Variants in G6PD observed in about 807,000 individuals in gnomAD.
G6PD encodes the protein glucose-6-phosphate 1-dehydrogenase.
G6PD carries 2 observed loss-of-function variants against 38.2 expected under a neutral mutation model. The observed-to-expected ratio is 0.05, with a 90% CI of 0.02 to 0.16. The LOEUF (loss-of-function observed/expected upper bound fraction) is 0.16. Among genes scored for constraint, G6PD ranks in the 10% least tolerant of loss-of-function variants. G6PD has a pLI of 1.00. For missense variants in G6PD, 310 were observed against 471.6 expected, an observed-to-expected ratio of 0.66 and a Z score of 3.17; for synonymous variants, 188 against 196.0, an observed-to-expected ratio of 0.96 and a Z score of 0.34.
Position 154,546,076 on chromosome X carries a change from T to C in G6PD, c.80A>G (p.His27Arg), listed in dbSNP as rs1193184183. 2.5e-6 allele frequency: 3 copies of C among 1,209,936 alleles called. No individual in the cohort carries two copies. Among genetic ancestry groups the C allele is most frequent in the Non-Finnish European group, 3.4e-6 (3 of 895,141 alleles). ...GATGAATATGTGTGTATCCGACTGA[T>C]GGAAGGCATCGCCCTGGAAAAGCTC... ...REELFQGDAF[H>R]QSDTHIFIIM... Residue 27 changes from histidine (H) to arginine (R), a missense_variant, in exon 2 of 13, where the codon CAT (histidine) becomes CGT (arginine). Coordinates refer to ENST00000393562, the MANE Select transcript of G6PD (RefSeq NM_001360016.2).
At chrX:154,542,160 G>A in intron 2 of G6PD, 1 of 522,710 alleles carries the variant, frequency 1.9e-6, no homozygotes, top group South Asian at 3.0e-5. Context: ...GACCAATGGG[G>A]AAGTCAGCCC....
In G6PD at chrX:154,532,548, C is replaced by T. The variant is rs781980305; in HGVS notation, c.1287+19G>A. ...CCCAGGCCGCCCACCCTCCACACTG[C>T]TCCTTCTCTGTAGGGCACCTTGTAT... On this transcript the variant is annotated intron_variant, in intron 10 of 12. Transcript: ENST00000393562. 4.1e-6 allele frequency: 5 copies of T among 1,209,223 alleles called. No individual in the cohort carries two copies. The highest frequency in any genetic ancestry group is 1.7e-5 in the African/African-American group (1 of 57,507).
intron 8 of G6PD, 186 bp from the exon 9 acceptor site, chrX:154,533,314 G>T: frequency 1.9e-6 from 1 of 516,258 alleles, no homozygotes; most frequent in Non-Finnish European, 3.2e-6. Context: ...GGTCCATCTC[G>T]AGTCTATTCT....
chrX:154,532,923 C>G lies in G6PD; in HGVS notation c.1051+19G>C, dbSNP rs1557229820. 2.0e-5 allele frequency: 24 copies of G among 1,211,737 alleles called. No individual in the cohort carries two copies. Among genetic ancestry groups the G allele is most frequent in the Non-Finnish European group, 2.6e-5 (23 of 895,320 alleles). The stretch of plus-strand genomic sequence containing the variant: ...GCATGCCCAGTTCTGCCTTGCTGGG[C>G]CTCGAAGGCATCACCTACCATCCCA... On this transcript the variant is annotated intron_variant, in intron 9 of 12. Transcript: ENST00000393562.
At chrX:154,547,509 C>T, upstream of G6PD, 1 of 755,163 alleles carries the variant, frequency 1.3e-6, no homozygotes. Context: ...ACTCAGACTT[C>T]TCTCCGGAGC....
intron 4 of G6PD, 84 bp from the exon 5 acceptor site, chrX:154,535,469 AGGG>A: frequency 1.1e-6 from 1 of 914,695 alleles, no homozygotes; most frequent in Non-Finnish European, 1.6e-6. Flanking sequence ...AGGGGAGTGG[AGGG>A]TCTTCCCTGG....
chrX:154,546,768 G>A (rs1346811843), intron 1 of G6PD, 21 bp downstream of exon 1: 3 of 1,139,613 alleles, frequency 2.6e-6, no homozygotes, highest in Non-Finnish European at 3.5e-6. Flanking sequence ...CCGCCTGCGC[G>A]GCGCCCGCCC....
intron 2 of G6PD, among the ~76,000 whole-genome samples, chrX:154,537,459 T>C (rs1238937816): frequency 1.8e-5 from 2 of 109,800 alleles, no homozygotes; most frequent in African/African-American, 3.3e-5. Context: ...CTACTAAAAA[T>C]ACAAAATTGG....
intron 2 of G6PD, among the ~76,000 whole-genome samples, chrX:154,544,915 A>G (rs782578711): frequency 5.3e-5 from 6 of 112,662 alleles, no homozygotes; most frequent in Non-Finnish European, 1.1e-4. Flanking sequence ...ATGTGGAAGA[A>G]CTAACTAGTT....
intron 1 of G6PD, 47 bp downstream of exon 1, chrX:154,546,742 G>C (rs782318674): frequency 2.0e-6 from 2 of 1,020,208 alleles, no homozygotes; most frequent in East Asian, 3.4e-5. Flanking sequence ...GGCGCAGCGC[G>C]GGACAGTACG....
At chrX:154,539,673 G>A (rs782393865) in intron 2 of G6PD, among the ~76,000 whole-genome samples, 1 of 111,042 alleles carries the variant, frequency 9.0e-6, no homozygotes, top group Non-Finnish European at 1.9e-5. Flanking sequence ...CTGAGTTTGT[G>A]AAAAGTCATC....
At chrX:154,545,733 G>C (rs1172356687) in intron 2 of G6PD, 1 of 275,135 alleles carries the variant, frequency 3.6e-6, no homozygotes, top group African/African-American at 2.8e-5. Context: ...TACTTGGGGG[G>C]CTGAGGCAGG....
rs1193544436 is a variant in G6PD, at chrX:154,531,761, G to A, written c.*239C>T. ...TGTTGGGCTGGAGTGAGTGGAGGAG[G>A]TGACTCAGCTCCTGGGCTCAGGCAG... On this transcript the variant is annotated 3_prime_UTR_variant, in exon 13 of 13. Coordinates refer to ENST00000393562, the MANE Select transcript of G6PD (RefSeq NM_001360016.2). 1.7e-5 allele frequency: 8 copies of A among 458,361 alleles called. No individual in the cohort carries two copies. Among genetic ancestry groups the A allele is most frequent in the African/African-American group, 2.4e-5 (1 of 40,843 alleles). 37.8% of individuals were successfully genotyped at this position (458,361 alleles called of 1,213,427 possible).
chrX:154,542,317 G>A (rs369777148), intron 2 of G6PD: 4 of 1,183,974 alleles, frequency 3.4e-6, no homozygotes, highest in Non-Finnish European at 4.5e-6. Context: ...TGAGGACCCC[G>A]CAGACTATCA....
intron 2 of G6PD, among the ~76,000 whole-genome samples, chrX:154,539,854 C>G (rs2070459212): frequency 9.1e-6 from 1 of 110,038 alleles, no homozygotes; most frequent in African/African-American, 3.3e-5. Flanking sequence ...TCCTGAGTAG[C>G]TGGGACTCCA....
Position 154,535,995 on chromosome X carries a change from T to A in G6PD, c.209A>T (p.Tyr70Phe). 8.3e-7 allele frequency: 1 copy of A among 1,211,544 alleles called. No homozygotes were observed. Among genetic ancestry groups the A allele is most frequent in the Non-Finnish European group, 1.1e-6 (1 of 895,352 alleles). Residue 70 changes from tyrosine (Y) to phenylalanine (F), a missense_variant, in exon 4 of 13, where the codon TAT (tyrosine) becomes TTT (phenylalanine). Tyr to Phe is a conservative substitution (Grantham distance 22). Coordinates refer to ENST00000393562, the MANE Select transcript of G6PD (RefSeq NM_001360016.2). ...AGCCACTGTGAGGCGGGAACGGGCATAGCCCACGATGAAGGTGTTTTCGGG... is the reference window on the plus strand; with the variant it reads ...AGCCACTGTGAGGCGGGAACGGGCAAAGCCCACGATGAAGGTGTTTTCGGG... Reference protein sequence around the residue: ...LLPENTFIVGYARSRLTVADI... With the variant: ...LLPENTFIVGFARSRLTVADI...
intron 2 of G6PD, among the ~76,000 whole-genome samples, chrX:154,544,491 C>T (rs1557232716): frequency 3.6e-5 from 4 of 112,355 alleles, no homozygotes; most frequent in East Asian, 2.8e-4. Flanking sequence ...GACTGGGTTT[C>T]GCCATGTTGG....
At chrX:154,545,735 TGAGGCAGGA>T (rs1412272827) in intron 2 of G6PD, 2 of 271,878 alleles carry the variant, frequency 7.4e-6, no homozygotes, top group African/African-American at 5.9e-5. Flanking sequence ...CTTGGGGGGC[TGAGGCAGGA>T]GAATCGCTTG....
In G6PD at chrX:154,533,068, C is replaced by T; in HGVS notation, c.925G>A (p.Val309Met). The change falls in exon 9 of 13, where the codon GTG becomes ATG. Residue 309 changes from valine (V) to methionine (M), a missense_variant. Physicochemically the swap from Val to Met is conservative, Grantham distance 21. Around this residue, in one of 4 missense-constraint regions of G6PD, gnomAD observed 168 missense variants for 309.2 expected, o/e 0.54. Coordinates refer to ENST00000393562, the MANE Select transcript of G6PD (RefSeq NM_001360016.2). ...QANNVVLGQY[V>M]GNPDGEGEAT... ...TCGCCCTCTCCATCGGGGTTCCCCA[C>T]GTACTGGCCCAGGACCACATTGTTG... 8.2e-7 allele frequency: 1 copy of T among 1,212,372 alleles called. No individual in the cohort carries two copies. The highest frequency in any genetic ancestry group is 1.1e-6 in the Non-Finnish European group (1 of 895,607).
Sources: gnomAD v4.1 joint callset for allele counts (sites outside exome capture counted in the v4.1 genomes callset) on GRCh38, gnomAD v4.1.1 for gene constraint, gnomAD v4.1.1 regional missense constraint, MANE v1.5 for transcripts, NCBI Gene and HGNC (gene_info 2026-07-23, HGNC 2026-07-21) for gene names.